The following THSD7A variants were observed in gnomAD, a reference collection of about 807,000 sequenced individuals.
THSD7A encodes the protein thrombospondin type 1 domain containing 7A.
Under a neutral mutation model 231.3 loss-of-function variants are expected in THSD7A, and 96 were observed. That is an observed-to-expected ratio of 0.41 (90% CI 0.35 to 0.49). The LOEUF (loss-of-function observed/expected upper bound fraction) is 0.49. Among genes scored for constraint, THSD7A ranks in the 20% least tolerant of loss-of-function variants. The pLI is 0.05. For missense variants in THSD7A, 2,290 were observed against 2,070.2 expected (o/e 1.11, Z -2.06); for synonymous variants, 940 against 743.3 (o/e 1.26, Z -4.30).
intron 1 of THSD7A, among the ~76,000 whole-genome samples, chr7:11,690,651 C>T (rs887259785): frequency 4.0e-5 from 6 of 151,666 alleles, no homozygotes; most frequent in African/African-American, 9.7e-5. Context: ...AGCCCTTTGG[C>T]GGGGAGATTA....
intron 1 of THSD7A, among the ~76,000 whole-genome samples, chr7:11,770,299 G>T (rs1583276113): frequency 6.6e-6 from 1 of 152,098 alleles, no homozygotes; most frequent in East Asian, 1.9e-4. Context: ...TATTTAGTTT[G>T]CTAATAGAAA....
At chr7:11,543,825 T>G (rs1030562773) in intron 4 of THSD7A, among the ~76,000 whole-genome samples, 3 of 152,196 alleles carry the variant, frequency 2.0e-5, no homozygotes, top group African/African-American at 4.8e-5. Context: ...TTGTTTTTTT[T>G]ATGCCTGCAG....
At position 11,636,681 on chromosome 7, in the gene THSD7A, C is replaced by T. The variant is rs768533858; in HGVS notation, c.471G>A (p.Glu157=). The T allele has an allele frequency of 1.2e-6, 2 of 1,614,018 alleles. No homozygotes were observed. The highest frequency in any genetic ancestry group is 1.7e-6 in the Non-Finnish European group (2 of 1,179,900). ...CTTTGTCTTTCTGGATGCACGCTAT[C>T]TCCCTCACCTGAATACCTTCTTCCC... ...IKGEEGIQVR[E]IACIQKDKDI... The change falls in exon 2 of 28, where the codon GAG becomes GAA. Residue 157 remains glutamate, a synonymous_variant. Coordinates refer to ENST00000423059, the MANE Select transcript of THSD7A (RefSeq NM_015204.3). This position sits in a 1 kb window ranked among gnomAD's most constrained non-coding sequence, Gnocchi z 10.0.
intron 1 of THSD7A, among the ~76,000 whole-genome samples, chr7:11,671,471 G>A (rs1326071865): frequency 6.6e-6 from 1 of 152,118 alleles, no homozygotes; most frequent in Non-Finnish European, 1.5e-5. Context: ...CTCTTGCTGA[G>A]AAACATTCTG....
chr7:11,826,922 C>T (rs1785049478), intron 1 of THSD7A, among the ~76,000 whole-genome samples: 1 of 151,874 alleles, frequency 6.6e-6, no homozygotes, highest in Non-Finnish European at 1.5e-5. Flanking sequence ...TGAAATGCTT[C>T]CCAATTATTC....
intron 13 of THSD7A, among the ~76,000 whole-genome samples, chr7:11,443,712 A>C (rs1784875942): frequency 6.6e-6 from 1 of 152,038 alleles, no homozygotes; most frequent in Admixed American, 6.6e-5. Flanking sequence ...AACACTACTG[A>C]ACACACTTAA....
chr7:11,653,080 G>C (rs960238433), intron 1 of THSD7A, among the ~76,000 whole-genome samples: 1 of 151,910 alleles, frequency 6.6e-6, no homozygotes, highest in African/African-American at 2.4e-5. Flanking sequence ...AGAAGACACT[G>C]TATTGTTTTT....
chr7:11,788,086 G>A (rs1294367577), intron 1 of THSD7A, among the ~76,000 whole-genome samples: 3 of 151,946 alleles, frequency 2.0e-5, no homozygotes, highest in Non-Finnish European at 4.4e-5. Context: ...TCCTCTTAAT[G>A]ACACCACCAT....
chr7:11,412,733 C>T lies in THSD7A; in HGVS notation c.3605G>A (p.Arg1202Lys). 6.2e-7 allele frequency: 1 copy of T among 1,613,756 alleles called. No homozygotes were observed. The highest frequency in any genetic ancestry group is 8.5e-7 in the Non-Finnish European group (1 of 1,179,808). The part of the protein sequence containing the change: ...DPIRQPADEG[R>K]SCPNAVEKEP... Reference sequence around the variant, plus strand: ...TTTCTCAACAGCATTAGGGCAAGATCTTCCTTCATCAGCTGGTTGTCTGAT... The same window carrying T: ...TTTCTCAACAGCATTAGGGCAAGATTTTCCTTCATCAGCTGGTTGTCTGAT... Residue 1202 changes from arginine (R) to lysine (K), a missense_variant, in exon 18 of 28, where the codon AGA (arginine) becomes AAA (lysine). Arg to Lys is a conservative substitution (Grantham distance 26). Coordinates refer to ENST00000423059, the MANE Select transcript of THSD7A (RefSeq NM_015204.3).
chr7:11,778,168 A>G (rs557892341), intron 1 of THSD7A, among the ~76,000 whole-genome samples: 1 of 147,868 alleles, frequency 6.8e-6, no homozygotes, highest in Non-Finnish European at 1.5e-5. Flanking sequence ...AAAAAAAAAA[A>G]AAAAAAAAAA....
At chr7:11,458,292 C>T (rs1015405974) in intron 11 of THSD7A, among the ~76,000 whole-genome samples, 1 of 151,938 alleles carries the variant, frequency 6.6e-6, no homozygotes, top group African/African-American at 2.4e-5. Context: ...ACAGCCACGA[C>T]CATCAAAGGA....
At chr7:11,694,097 T>C (rs569886650) in intron 1 of THSD7A, among the ~76,000 whole-genome samples, 8 of 151,610 alleles carry the variant, frequency 5.3e-5, no homozygotes, top group African/African-American at 1.9e-4. Context: ...AGGAGTTTGG[T>C]CACTCTTAAC....
In THSD7A at chr7:11,484,679, A is replaced by G. The variant is rs143099497; in HGVS notation, c.1823-2697T>C. ...CTAAATCATTTTTTGTTAAATAAATACATAAATTTTAAGTTGTGCTAGGAA... is the reference window on the plus strand; with the variant it reads ...CTAAATCATTTTTTGTTAAATAAATGCATAAATTTTAAGTTGTGCTAGGAA... On this transcript the variant is annotated intron_variant, in intron 6 of 27. Coordinates refer to ENST00000423059, the MANE Select transcript of THSD7A (RefSeq NM_015204.3). Among the ~76,000 whole-genome samples, 1,163 of 152,196 alleles carry G rather than the reference A, an allele frequency of 7.6e-3. 10 individuals carry two copies. The highest frequency in any genetic ancestry group is 0.027 in the African/African-American group (1,115 of 41,526).
intron 1 of THSD7A, among the ~76,000 whole-genome samples, chr7:11,740,978 G>T (rs1017027968): frequency 1.3e-5 from 2 of 151,804 alleles, no homozygotes; most frequent in Non-Finnish European, 2.9e-5. Flanking sequence ...TAGAAGAAAA[G>T]GTCTTTTATG....
At chr7:11,575,414 C>T (rs1790850356) in intron 4 of THSD7A, among the ~76,000 whole-genome samples, 3 of 152,106 alleles carry the variant, frequency 2.0e-5, no homozygotes, top group African/African-American at 7.2e-5. Context: ...TGCCCTGCAT[C>T]TAGTTAGGCC....
Position 11,375,401 on chromosome 7 carries a change from T to C in THSD7A, c.*393A>G, listed in dbSNP as rs941683210. 6.2e-6 allele frequency: 1 copy of C among 161,926 alleles called. No individual in the cohort carries two copies. The highest frequency in any genetic ancestry group is 2.4e-5 in the African/African-American group (1 of 41,688). The allele number at this position is 161,926 out of a possible 1,614,324, so 10.0% of individuals were successfully genotyped here. The stretch of plus-strand genomic sequence containing the variant: ...ATTTGACCATAGTATTGTGGAGATC[T>C]TGGTAGAAACTCTTCATGCTAGGAA... On this transcript the variant is annotated 3_prime_UTR_variant, in exon 28 of 28. Transcript: ENST00000423059.
rs1160284970 is a variant in THSD7A, at chr7:11,831,738, G to A, written c.190+19C>T. On this transcript the variant is annotated intron_variant, in intron 1 of 27. Transcript: ENST00000423059. The surrounding 1 kb of genome is among the most constrained non-coding windows in gnomAD (Gnocchi z 5.0). ...CCCCAGATGTGAAGATGGGGAAAGG[G>A]TAACTCCGTCCCACTTACCAGTCTT... 2 of 1,427,326 alleles carry A rather than the reference G, an allele frequency of 1.4e-6. No homozygotes were observed. Among genetic ancestry groups the A allele is most frequent in the South Asian group, 3.3e-5 (2 of 60,798 alleles). 88.4% of individuals were successfully genotyped at this position (1,427,326 alleles called of 1,614,324 possible).
intron 13 of THSD7A, among the ~76,000 whole-genome samples, chr7:11,442,254 G>A (rs991085541): frequency 6.6e-6 from 1 of 151,864 alleles, no homozygotes; most frequent in African/African-American, 2.4e-5. Flanking sequence ...TTACACACAA[G>A]TTCAAAAATA....
At chr7:11,749,136 C>T (rs549945097) in intron 1 of THSD7A, among the ~76,000 whole-genome samples, 4,040 of 151,998 alleles carry the variant, frequency 0.027, 196 homozygotes, top group African/African-American at 0.093. Context: ...TATGGCCTTG[C>T]TTATTAATCT....
Sources: gnomAD v4.1 joint callset for allele counts (sites outside exome capture counted in the v4.1 genomes callset) on GRCh38, gnomAD v4.1.1 for gene constraint, Gnocchi (gnomAD v3.1) non-coding constraint, MANE v1.5 for transcripts, NCBI Gene and HGNC (gene_info 2026-07-23, HGNC 2026-07-21) for gene names.